PRELID2: variants seen among roughly 807,000 people sequenced by gnomAD.
PRELID2 encodes PRELI domain-containing protein 2.
A neutral mutation model predicts 28.4 loss-of-function variants in PRELID2; 25 were observed. The observed-to-expected ratio is 0.88, with a 90% CI of 0.64 to 1.23. The LOEUF is 1.23. Ranked by LOEUF, PRELID2 falls within the 50% of genes most tolerant of loss-of-function variation. The pLI is 0.00. For synonymous variants in PRELID2, 76 were observed against 71.6 expected (o/e 1.06, Z -0.31); for missense variants, 201 against 214.4 (o/e 0.94, Z 0.39).
the PRELID2 span, among the ~76,000 whole-genome samples, chr5:145,360,513 A>C: frequency 6.6e-6 from 1 of 152,210 alleles, no homozygotes; most frequent in African/African-American, 2.4e-5. Flanking sequence ...CTGCAATTCA[A>C]GTAGGTTTTG....
At chr5:145,818,701 T>C (rs1015935378) in intron 3 of PRELID2, among the ~76,000 whole-genome samples, 12 of 152,188 alleles carry the variant, frequency 7.9e-5, no homozygotes, top group Non-Finnish European at 1.0e-4. Context: ...AAAAGAAAGT[T>C]CATTTTCATT....
chr5:145,680,559 A>G (rs1033801809), intron 1 of PRELID2, among the ~76,000 whole-genome samples: 1 of 152,180 alleles, frequency 6.6e-6, no homozygotes, highest in African/African-American at 2.4e-5. Flanking sequence ...TCTGGCATGA[A>G]TCTGTGAGAA....
intron 1 of PRELID2, among the ~76,000 whole-genome samples, chr5:145,593,365 C>T (rs373639331): frequency 6.6e-6 from 1 of 152,232 alleles, no homozygotes. Flanking sequence ...TGAACCTGAA[C>T]ATCTTGTGAT....
Position 145,726,313 on chromosome 5 carries a change from GAGAGAGAA to G in PRELID2, n.70+38610_70+38617del, listed in dbSNP as rs1043443026. On this transcript the variant is annotated intron_variant and non_coding_transcript_variant, in intron 1 of 2. Transcript: ENST00000510259. The stretch of plus-strand genomic sequence containing the variant: ...AGAAAGAAAGAAAAAGAAAGAGAGA[GAGAGAGAA>G]AGAGAGAAAGAGAAAGAAAAGGGAA... Among the ~76,000 whole-genome samples, 31 of 143,038 alleles carry G rather than the reference GAGAGAGAA, an allele frequency of 2.2e-4. No homozygotes were observed. In the East Asian group the frequency reaches 5.2e-3, roughly 24 times the overall value. The allele number at this position is 143,038 out of a possible 152,430, so 93.8% of individuals were successfully genotyped here.
intron 1 of PRELID2, among the ~76,000 whole-genome samples, chr5:145,590,949 C>T (rs537197681): frequency 2.0e-5 from 3 of 152,224 alleles, no homozygotes; most frequent in Admixed American, 1.3e-4. Flanking sequence ...CTCAAGGAAA[C>T]GCATGGATTC....
chr5:145,751,880 G>C (rs951561855), downstream of PRELID2, among the ~76,000 whole-genome samples: 2 of 152,156 alleles, frequency 1.3e-5, no homozygotes, highest in Admixed American at 1.3e-4. Context: ...TACTCGGGAG[G>C]CTGAGGCAGG....
intron 1 of PRELID2, among the ~76,000 whole-genome samples, chr5:145,502,605 T>C (rs1400616525): frequency 2.6e-5 from 4 of 152,134 alleles, no homozygotes; most frequent in Admixed American, 6.6e-5. Context: ...TATACATGCA[T>C]TTTCTTCCCA....
chr5:145,600,188 A>G (rs1753368871), intron 1 of PRELID2, among the ~76,000 whole-genome samples: 1 of 147,634 alleles, frequency 6.8e-6, no homozygotes, highest in Non-Finnish European at 1.5e-5. Flanking sequence ...TATTTTTATC[A>G]TGGACCATCA....
intron 1 of PRELID2, among the ~76,000 whole-genome samples, chr5:145,633,831 T>G (rs1753965251): frequency 6.6e-6 from 1 of 152,150 alleles, no homozygotes; most frequent in Non-Finnish European, 1.5e-5. Flanking sequence ...TAGAAAGCAA[T>G]GCAACCATTT....
chr5:145,796,576 G>T, intron 4 of PRELID2, 29 bp from the exon 5 acceptor site: 1 of 1,424,722 alleles, frequency 7.0e-7, no homozygotes, highest in Non-Finnish European at 9.8e-7. Flanking sequence ...ACACATCTTT[G>T]ATGTCATTCT....
At position 145,579,955 on chromosome 5, in the gene PRELID2, A is replaced by G. The variant is rs1268099992; in HGVS notation, n.71-106640T>C. Among the ~76,000 whole-genome samples, 5 of 152,074 alleles carry G rather than the reference A, an allele frequency of 3.3e-5. No individual in the cohort carries two copies. In the East Asian group the frequency reaches 9.7e-4, roughly 29 times the overall value. ...CTCTGTATACAACGAGTATTTGGTAAATCATTAATACTTAGCCAAGATGAA... is the reference window on the plus strand; with the variant it reads ...CTCTGTATACAACGAGTATTTGGTAGATCATTAATACTTAGCCAAGATGAA... On this transcript the variant is annotated intron_variant and non_coding_transcript_variant, in intron 1 of 2. Coordinates refer to the PRELID2 transcript ENST00000510259.
chr5:145,337,873 T>G, the PRELID2 span: 2 of 151,458 alleles, frequency 1.3e-5, no homozygotes, highest in African/African-American at 4.8e-5. Context: ...GTTCTTCTTG[T>G]TCACCAACCT....
At chr5:145,442,126 T>C in the PRELID2 span, among the ~76,000 whole-genome samples, 1 of 152,140 alleles carries the variant, frequency 6.6e-6, no homozygotes, top group Non-Finnish European at 1.5e-5. Context: ...ACTTCATATA[T>C]ATTATCTCTA....
the PRELID2 span, among the ~76,000 whole-genome samples, chr5:145,431,272 A>G: frequency 1.3e-5 from 2 of 152,220 alleles, no homozygotes; most frequent in Admixed American, 6.5e-5. Context: ...ATGTTCTAGA[A>G]ACATGTTTCA....
At chr5:145,653,972 A>T (rs1178321290) in intron 1 of PRELID2, among the ~76,000 whole-genome samples, 1 of 152,076 alleles carries the variant, frequency 6.6e-6, no homozygotes, top group African/African-American at 2.4e-5. Flanking sequence ...TGGTTTTTTT[A>T]AAAGATCAAT....
the PRELID2 span, among the ~76,000 whole-genome samples, chr5:145,386,533 G>C: frequency 1.3e-5 from 2 of 152,086 alleles, no homozygotes; most frequent in Non-Finnish European, 2.9e-5. Flanking sequence ...CATCATGATT[G>C]TAAGTTTCCT....
chr5:145,740,605 T>C (rs369896499), intron 1 of PRELID2, among the ~76,000 whole-genome samples: 1 of 108,346 alleles, frequency 9.2e-6, no homozygotes, highest in African/African-American at 4.3e-5. Context: ...ATATATATAT[T>C]ATATATATAA....
At chr5:145,621,549 A>G (rs534639730) in intron 1 of PRELID2, among the ~76,000 whole-genome samples, 27 of 152,358 alleles carry the variant, frequency 1.8e-4, no homozygotes, top group African/African-American at 6.5e-4. Context: ...TACTCATACA[A>G]TGAAATATTA....
At chr5:145,449,012 A>T in the PRELID2 span, among the ~76,000 whole-genome samples, 2 of 152,148 alleles carry the variant, frequency 1.3e-5, no homozygotes, top group African/African-American at 4.8e-5. Flanking sequence ...TATAGATCAG[A>T]TTGCCCAGAA....
Sources: allele counts gnomAD v4.1 joint callset (sites outside exome capture counted in the v4.1 genomes callset), GRCh38; gene constraint gnomAD v4.1.1; transcripts MANE v1.5; gene names NCBI Gene and HGNC (gene_info 2026-07-23, HGNC 2026-07-21).